XBP1: variants seen among roughly 807,000 people sequenced by gnomAD.
The protein encoded by XBP1 is X-box binding protein 1.
Under a neutral mutation model 34.6 loss-of-function variants are expected in XBP1, and 18 were observed. The ratio of observed to expected loss-of-function variants is 0.52; its 90% CI spans 0.36 to 0.77. XBP1 has a LOEUF of 0.77. XBP1 is among the 30% of genes least tolerant of loss of function. The pLI is 0.00. For missense variants in XBP1, 422 were observed against 464.6 expected (o/e 0.91, Z 0.84); for synonymous variants, 191 against 193.4 (o/e 0.99, Z 0.11).
intron 1 of XBP1, 147 bp from the exon 2 acceptor site, chr22:28,799,300 TAAAAC>T: frequency 1.7e-6 from 1 of 597,396 alleles, no homozygotes; most frequent in East Asian, 2.8e-5. Context: ...CTCCCCTCAA[TAAAAC>T]AAAATAAAAA....
At chr22:28,797,833 ATAAC>A (rs1369993703) in intron 2 of XBP1, among the ~76,000 whole-genome samples, 1 of 151,556 alleles carries the variant, frequency 6.6e-6, no homozygotes, top group African/African-American at 2.4e-5. Context: ...ATAAAAATAA[ATAAC>A]TATCTTGAAC....
At chr22:28,798,317 T>TTTTTTTTTTTTTTTTTA (rs2031788917) in intron 2 of XBP1, among the ~76,000 whole-genome samples, 2 of 150,352 alleles carry the variant, frequency 1.3e-5, no homozygotes, top group Non-Finnish European at 3.0e-5. Flanking sequence ...TTTTTTTTTT[T>TTTTTTTTTTTTTTTTTA]GAGACAGGGT....
In XBP1 at chr22:28,798,901, A is replaced by C. The variant is rs1182871147; in HGVS notation, c.324+156T>G. ...CTCCCAAAGTGCTGGGATTACAGGC[A>C]TGAGCCACCATGCCCAGCCTAGTTT... On this transcript the variant is annotated intron_variant, in intron 2 of 5. Coordinates refer to ENST00000344347, the Ensembl canonical transcript of XBP1. The C allele has an allele frequency of 1.0e-4, 62 of 593,234 alleles. 2 individuals are homozygous for C. The South Asian group carries it at 1.3e-3, about 12-fold the overall frequency. 36.7% of individuals were successfully genotyped at this position (593,234 alleles called of 1,614,324 possible). A position where few individuals can be genotyped will look rare whatever the true frequency, so the allele number is the denominator to read the frequency against.
At chr22:28,796,268 AC>A in intron 3 of XBP1, 76 bp from the exon 4 acceptor site, 1 of 1,380,540 alleles carries the variant, frequency 7.2e-7, no homozygotes, top group Non-Finnish European at 9.6e-7. Context: ...GTGATTCTCA[AC>A]TTTAAAGAAT....
downstream of XBP1, chr22:28,795,121 A>T: frequency 6.9e-7 from 1 of 1,445,654 alleles, no homozygotes; most frequent in Non-Finnish European, 9.1e-7. Flanking sequence ...CTTCTCTGCT[A>T]TCCTCCAGGC....
exon 6 of XBP1, chr22:28,795,712 A>G (rs2031737972): frequency 6.5e-7 from 1 of 1,542,982 alleles, no homozygotes; most frequent in Non-Finnish European, 8.7e-7. Context: ...AGTTGTCCAG[A>G]ATGCCCAACA....
At position 28,800,458 on chromosome 22, in the gene XBP1, G is replaced by A; in HGVS notation, c.67C>T (p.Gln23Ter). The stretch of plus-strand genomic sequence containing the variant: ...GGGGCTCCGGCGGCGGAGGCGGGCT[G>A]CCCCGACAGAAGCAGAACTTTAGGG... The change falls in exon 1 of 6, where the codon CAG (glutamine) becomes TAG (stop). Residue 23 changes from glutamine (Q) to a stop codon, truncating the protein, a stop_gained. Coordinates refer to ENST00000344347, the Ensembl canonical transcript of XBP1. LOFTEE classifies it high-confidence loss of function. The A allele has an allele frequency of 6.8e-7, 1 of 1,472,854 alleles. No homozygotes were observed. The highest frequency in any genetic ancestry group is 2.6e-5 in the Admixed American group (1 of 37,958). The allele number at this position is 1,472,854 out of a possible 1,614,324, so 91.2% of individuals were successfully genotyped here. A position where few individuals can be genotyped will look rare whatever the true frequency, so the allele number is the denominator to read the frequency against.
intron 2 of XBP1, 22 bp from the exon 3 acceptor site, chr22:28,797,227 G>T: frequency 6.2e-7 from 1 of 1,607,500 alleles, no homozygotes; most frequent in Non-Finnish European, 8.5e-7. Flanking sequence ...TTCATAAGAG[G>T]CTATTAAAAC....
chr22:28,796,686 A>G (rs1444165528), intron 3 of XBP1: 2 of 175,166 alleles, frequency 1.1e-5, no homozygotes, highest in South Asian at 3.0e-4. Context: ...CACTATTACA[A>G]AGAATCCTTT....
chr22:28,800,565 C>G (rs776409515), upstream of XBP1: 6 of 1,459,928 alleles, frequency 4.1e-6, no homozygotes, highest in Non-Finnish European at 5.4e-6. Context: ...CCGCAGCCGC[C>G]CAGCGCCCAG....
In XBP1 at chr22:28,800,511, G is replaced by GCCA. The variant is rs756510371; in HGVS notation, c.11_13dup (p.Val4dup). The stretch of plus-strand genomic sequence containing the variant: ...CCCGTCGGCCGGGTTCGGCGCGGCT[G>GCCA]CCACCACCACCATAGCTCCAGACTA... On this transcript the variant is annotated inframe_insertion, in exon 1 of 6. Transcript: ENST00000344347. 8.5e-5 allele frequency: 127 copies of GCCA among 1,487,572 alleles called. 1 individual carries two copies. The South Asian group carries it at 9.4e-4, about 11-fold the overall frequency. The allele number at this position is 1,487,572 out of a possible 1,614,324, so 92.1% of individuals were successfully genotyped here.
exon 3 of XBP1, chr22:28,797,129 C>T (rs750550282): frequency 5.8e-5 from 94 of 1,613,394 alleles, no homozygotes; most frequent in Non-Finnish European, 8.0e-5. Flanking sequence ...CAAGCGCTGT[C>T]TTAACTCCTG....
At chr22:28,795,595 A>G in exon 6 of XBP1, 1 of 1,614,120 alleles carries the variant, frequency 6.2e-7, no homozygotes, top group Non-Finnish European at 8.5e-7. Flanking sequence ...CCACTGACAG[A>G]GAAAGGGAGG....
chr22:28,799,613 C>T (rs1204659468), intron 1 of XBP1, among the ~76,000 whole-genome samples: 1 of 152,232 alleles, frequency 6.6e-6, no homozygotes, highest in Non-Finnish European at 1.5e-5. Flanking sequence ...GATGCCACTC[C>T]CTGATCTCTA....
rs35567823 is a variant in XBP1, at chr22:28,798,611, C to CT, written c.324+445dup. Among the ~76,000 whole-genome samples, 154 of 141,234 alleles carry CT rather than the reference C, an allele frequency of 1.1e-3. No individual in the cohort carries two copies. The Middle Eastern group carries it at 0.011, about 10-fold the overall frequency. The allele number at this position is 141,234 out of a possible 152,430, so 92.7% of individuals were successfully genotyped here. A position where few individuals can be genotyped will look rare whatever the true frequency, so the allele number is the denominator to read the frequency against. On this transcript the variant is annotated intron_variant, in intron 2 of 5. Transcript: ENST00000344347. Reference sequence around the variant, plus strand: ...GGTGTGAGCCCCGGTGCCCAGCAAACTTTTTTTTTTTTTCTTGAGACAGAG... The same window carrying CT: ...GGTGTGAGCCCCGGTGCCCAGCAAACTTTTTTTTTTTTTTCTTGAGACAGAG...
intron 2 of XBP1, among the ~76,000 whole-genome samples, chr22:28,797,818 A>C (rs1431846826): frequency 1.3e-5 from 2 of 151,308 alleles, no homozygotes; most frequent in African/African-American, 4.8e-5. Flanking sequence ...TAATAATAAT[A>C]TAAAATAAAA....
At chr22:28,799,478 G>T (rs1430236565) in intron 1 of XBP1, among the ~76,000 whole-genome samples, 1 of 151,994 alleles carries the variant, frequency 6.6e-6, no homozygotes, top group Non-Finnish European at 1.5e-5. Flanking sequence ...CTATTCCCCC[G>T]CTGCTTCCTG....
chr22:28,794,680 CAA>C (rs1177695564), downstream of XBP1: 1 of 152,528 alleles, frequency 6.6e-6, no homozygotes, highest in South Asian at 2.1e-4. Flanking sequence ...TATAATTTCA[CAA>C]AAGATTCTTG....
intron 3 of XBP1, 165 bp downstream of exon 3, chr22:28,796,912 G>T: frequency 1.3e-6 from 1 of 754,064 alleles, no homozygotes; most frequent in Non-Finnish European, 2.0e-6. Context: ...TGAGTGTCAA[G>T]TGCCTTTAGG....
Sources: gnomAD v4.1 joint callset for allele counts (sites outside exome capture counted in the v4.1 genomes callset) on GRCh38, gnomAD v4.1.1 for gene constraint, MANE v1.5 for transcripts, NCBI Gene and HGNC (gene_info 2026-07-23, HGNC 2026-07-21) for gene names.